Variants in MCTP2 observed in about 807,000 individuals in gnomAD.
The protein encoded by MCTP2 is multiple C2 and transmembrane domain containing 2.
Under a neutral mutation model 111.6 loss-of-function variants are expected in MCTP2, and 132 were observed. That is an observed-to-expected ratio of 1.18 (90% confidence interval 1.03 to 1.37). The LOEUF (loss-of-function observed/expected upper bound fraction) is 1.37. Ranked by LOEUF, MCTP2 falls within the 40% of genes most tolerant of loss-of-function variation. The probability of loss-of-function intolerance (pLI) is 0.00; values close to 1 mark genes in which losing one functional copy is unlikely to be tolerated. For synonymous variants in MCTP2, 395 were observed against 387.7 expected, an observed-to-expected ratio of 1.02 and a Z score of -0.22; for missense variants, 1,183 against 1,067.9, an observed-to-expected ratio of 1.11 and a Z score of -1.50.
At chr15:94,318,188 AGT>A (rs2076459079) in intron 4 of MCTP2, among the ~76,000 whole-genome samples, 1 of 151,842 alleles carries the variant, frequency 6.6e-6, no homozygotes, top group Middle Eastern at 3.2e-3. Context: ...TGTTCTAGAG[AGT>A]GTGTATTTTA....
intron 4 of MCTP2, among the ~76,000 whole-genome samples, chr15:94,327,623 T>C (rs540761789): frequency 6.6e-6 from 1 of 152,364 alleles, no homozygotes; most frequent in East Asian, 1.9e-4. Flanking sequence ...TGTGAACCTT[T>C]CAAAGATGCA....
intron 4 of MCTP2, among the ~76,000 whole-genome samples, chr15:94,332,550 G>T (rs1280421125): frequency 2.6e-5 from 4 of 152,136 alleles, no homozygotes; most frequent in Admixed American, 2.6e-4. Context: ...GTAAATAATT[G>T]TTGACTTGAA....
At chr15:94,278,486 G>A (rs1567319454) in intron 1 of MCTP2, among the ~76,000 whole-genome samples, 1 of 152,152 alleles carries the variant, frequency 6.6e-6, no homozygotes, top group African/African-American at 2.4e-5. Flanking sequence ...TCAGGATAGA[G>A]TAAATGACTG....
At chr15:94,417,376 T>C (rs924415557) in intron 17 of MCTP2, among the ~76,000 whole-genome samples, 3 of 152,180 alleles carry the variant, frequency 2.0e-5, no homozygotes, top group African/African-American at 7.2e-5. Context: ...TCAGTAGTTT[T>C]CTTTAGAGCA....
chr15:94,380,274 TA>T (rs1159694110), intron 12 of MCTP2, among the ~76,000 whole-genome samples: 1 of 152,084 alleles, frequency 6.6e-6, no homozygotes, highest in African/African-American at 2.4e-5. Context: ...GTAACAGCAA[TA>T]TACAATTGGA....
At chr15:94,249,289 T>A (rs1000452472) in intron 1 of MCTP2, among the ~76,000 whole-genome samples, 5 of 152,232 alleles carry the variant, frequency 3.3e-5, no homozygotes, top group African/African-American at 4.8e-5. Flanking sequence ...AGCTGTGCCA[T>A]ATCTGGAGTT....
chr15:94,447,340 C>T (rs911238135), intron 19 of MCTP2, among the ~76,000 whole-genome samples: 1 of 152,140 alleles, frequency 6.6e-6, no homozygotes, highest in Non-Finnish European at 1.5e-5. Flanking sequence ...TCTTAACAAT[C>T]TAACAATGAG....
chr15:94,271,481 GT>G (rs1379727757), intron 1 of MCTP2, among the ~76,000 whole-genome samples: 3 of 152,142 alleles, frequency 2.0e-5, no homozygotes, highest in African/African-American at 7.2e-5. Flanking sequence ...GAATTAGTGA[GT>G]TTTCCTGTCT....
At chr15:94,410,277 T>C (rs183923683) in intron 17 of MCTP2, among the ~76,000 whole-genome samples, 13 of 152,260 alleles carry the variant, frequency 8.5e-5, no homozygotes, top group Admixed American at 6.5e-4. Context: ...ACCTGTTCAA[T>C]GACAGGGTGG....
chr15:94,399,716 T>C (rs1310790557), intron 15 of MCTP2: 3 of 545,160 alleles, frequency 5.5e-6, no homozygotes, highest in African/African-American at 1.9e-5. Context: ...CCTTCTAGAC[T>C]CAATCTGACC....
At chr15:94,349,723 G>A (rs1433775145) in intron 8 of MCTP2, among the ~76,000 whole-genome samples, 2 of 151,846 alleles carry the variant, frequency 1.3e-5, no homozygotes, top group Admixed American at 6.6e-5. Context: ...TGGAGGCTGA[G>A]GCAGGAGAAT....
At chr15:94,249,939 A>T (rs1200484625) in intron 1 of MCTP2, among the ~76,000 whole-genome samples, 1 of 152,180 alleles carries the variant, frequency 6.6e-6, no homozygotes, top group Non-Finnish European at 1.5e-5. Context: ...TGCAAACATT[A>T]CTTTTATTTT....
At chr15:94,279,635 G>A (rs1305535613) in intron 1 of MCTP2, among the ~76,000 whole-genome samples, 3 of 152,014 alleles carry the variant, frequency 2.0e-5, no homozygotes, top group Non-Finnish European at 4.4e-5. Context: ...TTATGACTAG[G>A]ACTTCCAGTA....
At chr15:94,410,539 C>CA (rs1169065830) in intron 17 of MCTP2, among the ~76,000 whole-genome samples, 17 of 144,788 alleles carry the variant, frequency 1.2e-4, no homozygotes, top group East Asian at 2.0e-4. Flanking sequence ...GACCCCGTCT[C>CA]AAAAAAAGAA....
At chr15:94,441,438 T>C (rs2083773635) in intron 18 of MCTP2, among the ~76,000 whole-genome samples, 1 of 152,236 alleles carries the variant, frequency 6.6e-6, no homozygotes, top group African/African-American at 2.4e-5. Context: ...ATATCTATGT[T>C]GTCAACTAAC....
chr15:94,327,018 G>T (rs374716811), intron 4 of MCTP2, among the ~76,000 whole-genome samples: 1 of 143,874 alleles, frequency 7.0e-6, no homozygotes, highest in East Asian at 2.1e-4. Context: ...TGCATCACTT[G>T]TTCATTCTGT....
At chr15:94,245,636 T>A (rs62017621) in intron 1 of MCTP2, among the ~76,000 whole-genome samples, 54,272 of 141,524 alleles carry the variant, frequency 0.38, 10,582 homozygotes, top group Non-Finnish European at 0.43. Flanking sequence ...ATACATATAC[T>A]TATACATATA....
intron 1 of MCTP2, among the ~76,000 whole-genome samples, chr15:94,260,961 C>A (rs1348904669): frequency 6.6e-6 from 1 of 152,166 alleles, no homozygotes; most frequent in African/African-American, 2.4e-5. Flanking sequence ...CTGAAGCCTG[C>A]TACCTGGAAG....
chr15:94,441,242 G>A (rs548690055), intron 18 of MCTP2, among the ~76,000 whole-genome samples: 6 of 152,254 alleles, frequency 3.9e-5, no homozygotes, highest in African/African-American at 1.2e-4. Context: ...TGTGGCAAGA[G>A]GAAAAACCTC....
Sources: gnomAD v4.1 joint callset for allele counts (sites outside exome capture counted in the v4.1 genomes callset) on GRCh38, gnomAD v4.1.1 for gene constraint, MANE v1.5 for transcripts, NCBI Gene and HGNC (gene_info 2026-07-23, HGNC 2026-07-21) for gene names.